The following TYW1B variants were observed in gnomAD, a reference collection of about 807,000 sequenced individuals.
The protein encoded by TYW1B is tRNA-yW synthesizing protein 1 homolog B, also known as S-adenosyl-L-methionine-dependent tRNA 4-demethylwyosine synthase TYW1B.
TYW1B carries 73 observed loss-of-function variants against 86.9 expected under a neutral mutation model. That is an observed-to-expected ratio of 0.84 (90% CI 0.70 to 1.02). TYW1B has a LOEUF of 1.02. TYW1B is among the 50% of genes least tolerant of loss of function. TYW1B has a pLI of 0.00. For missense variants in TYW1B, 637 were observed against 827.4 expected (o/e 0.77, Z 2.82); for synonymous variants, 248 against 292.8 (o/e 0.85, Z 1.56).
At chr7:72,600,896 A>G (rs1157940635) in intron 13 of TYW1B, among the ~76,000 whole-genome samples, 1 of 151,872 alleles carries the variant, frequency 6.6e-6, no homozygotes, top group Admixed American at 6.6e-5. Flanking sequence ...GTGGCTCACA[A>G]CTGTAATCCC....
chr7:72,607,956 C>T (rs1356257694), intron 13 of TYW1B, among the ~76,000 whole-genome samples: 3 of 152,048 alleles, frequency 2.0e-5, no homozygotes, highest in African/African-American at 7.2e-5. Context: ...ATCTTGAAAG[C>T]AGGGAGAGAG....
At chr7:72,640,060 G>A (rs550141160) in intron 11 of TYW1B, among the ~76,000 whole-genome samples, 66 of 151,844 alleles carry the variant, frequency 4.3e-4, no homozygotes, top group Admixed American at 1.6e-3. Context: ...CGTCAATCAC[G>A]AGGGCAACAA....
chr7:72,609,452 A>G (rs183483820), intron 13 of TYW1B, among the ~76,000 whole-genome samples: 10 of 152,192 alleles, frequency 6.6e-5, no homozygotes, highest in African/African-American at 2.2e-4. Context: ...CCAGCTACTC[A>G]AGAGGCTTAA....
rs71069098 is a variant in TYW1B, at chr7:72,681,591, CTTT to C, written c.1506+13093_1506+13095del. 4.8e-4 allele frequency among the ~76,000 whole-genome samples: 53 copies of C among 111,020 alleles called. 1 individual carries two copies. The highest frequency in any genetic ancestry group is 3.8e-4 in the Non-Finnish European group (21 of 55,176). 72.8% of individuals were successfully genotyped at this position (111,020 alleles called of 152,430 possible). A position where few individuals can be genotyped will look rare whatever the true frequency, so the allele number is the denominator to read the frequency against. ...GAGTGTTGGAGTGTTATATTTACTT[CTTT>C]TTTTTTTTTTTTTTTTTTGAGTTAG... On this transcript the variant is annotated intron_variant, in intron 11 of 13. Transcript: ENST00000620995.
At chr7:72,752,779 C>T (rs1787522900) in intron 7 of TYW1B, among the ~76,000 whole-genome samples, 1 of 151,472 alleles carries the variant, frequency 6.6e-6, no homozygotes, top group African/African-American at 2.4e-5. Flanking sequence ...TCAACTTGTA[C>T]ACTTTAAATA....
chr7:72,649,828 C>G (rs1813017522), intron 11 of TYW1B, among the ~76,000 whole-genome samples: 1 of 152,180 alleles, frequency 6.6e-6, no homozygotes. Context: ...AATATTACAG[C>G]AAATACTCCC....
At chr7:72,772,512 A>G (rs559859839) in intron 7 of TYW1B, among the ~76,000 whole-genome samples, 1 of 152,154 alleles carries the variant, frequency 6.6e-6, no homozygotes, top group Non-Finnish European at 1.5e-5. Flanking sequence ...ATCCAATTCT[A>G]GGAACTACAT....
chr7:72,654,951 C>T (rs138410883), intron 11 of TYW1B, among the ~76,000 whole-genome samples: 1,657 of 152,244 alleles, frequency 0.011, 17 homozygotes, highest in Middle Eastern at 0.024. Context: ...AAGACGTTAA[C>T]AATAACAGAA....
At chr7:72,807,737 T>C (rs1312157366) in intron 4 of TYW1B, among the ~76,000 whole-genome samples, 1 of 152,192 alleles carries the variant, frequency 6.6e-6, no homozygotes, top group Non-Finnish European at 1.5e-5. Flanking sequence ...CCTAAGCCTA[T>C]TCCGTTATAA....
intron 2 of TYW1B, among the ~76,000 whole-genome samples, chr7:72,819,561 T>C (rs1300417114): frequency 6.6e-6 from 1 of 152,012 alleles, no homozygotes; most frequent in Non-Finnish European, 1.5e-5. Context: ...GCCACCCGAG[T>C]AGCTAGGACT....
At chr7:72,776,057 G>A (rs1787948869) in intron 7 of TYW1B, among the ~76,000 whole-genome samples, 1 of 152,118 alleles carries the variant, frequency 6.6e-6, no homozygotes. Context: ...TGAGGCAGGA[G>A]GATTCCTTGA....
chr7:72,709,406 C>T (rs182758825), intron 10 of TYW1B, among the ~76,000 whole-genome samples: 21 of 152,290 alleles, frequency 1.4e-4, no homozygotes, highest in Admixed American at 3.3e-4. Context: ...TGGTGGCTCA[C>T]GCCTGTAATC....
At chr7:72,734,268 A>AAAAAAAC (rs56806378) in intron 8 of TYW1B, among the ~76,000 whole-genome samples, 8 of 98,094 alleles carry the variant, frequency 8.2e-5, no homozygotes, top group African/African-American at 2.1e-4. Context: ...AAAAAAAAAA[A>AAAAAAAC]ACACAACAAA....
intron 11 of TYW1B, among the ~76,000 whole-genome samples, chr7:72,668,019 G>A (rs1429110512): frequency 6.6e-6 from 1 of 152,128 alleles, no homozygotes; most frequent in Non-Finnish European, 1.5e-5. Context: ...AATGAAAAAA[G>A]TCTTTAAGTC....
intron 12 of TYW1B, among the ~76,000 whole-genome samples, chr7:72,623,255 A>G (rs560653159): frequency 3.3e-5 from 5 of 152,262 alleles, no homozygotes; most frequent in African/African-American, 1.2e-4. Context: ...AAGCAACTCA[A>G]TTGAAATACA....
intron 6 of TYW1B, among the ~76,000 whole-genome samples, chr7:72,789,516 A>G (rs1436362460): frequency 6.6e-6 from 1 of 152,214 alleles, no homozygotes; most frequent in Admixed American, 6.6e-5. Flanking sequence ...CTTTTGGATT[A>G]AGGACACATG....
At chr7:72,588,373 C>T (rs1554430826) in intron 13 of TYW1B, among the ~76,000 whole-genome samples, 1 of 152,230 alleles carries the variant, frequency 6.6e-6, no homozygotes, top group African/African-American at 2.4e-5. Context: ...CTGCTGGGAG[C>T]AATCAGGCCT....
intron 6 of TYW1B, 134 bp downstream of exon 6, chr7:72,802,266 T>C: frequency 6.8e-7 from 1 of 1,467,302 alleles, no homozygotes; most frequent in South Asian, 1.4e-5. Flanking sequence ...GCAAAAAAAT[T>C]ATAAAACTCT....
chr7:72,770,300 G>A (rs1409277237), intron 7 of TYW1B, among the ~76,000 whole-genome samples: 32 of 151,092 alleles, frequency 2.1e-4, no homozygotes, highest in African/African-American at 6.5e-4. Flanking sequence ...GTGGTGGTGC[G>A]CGCCTGTAGG....
Sources: allele counts gnomAD v4.1 joint callset (sites outside exome capture counted in the v4.1 genomes callset), GRCh38; gene constraint gnomAD v4.1.1; transcripts MANE v1.5; gene names NCBI Gene and HGNC (gene_info 2026-07-23, HGNC 2026-07-21).